DOCK8: variants seen among roughly 807,000 people sequenced by gnomAD.
DOCK8 encodes the protein dedicator of cytokinesis 8, also known as dedicator of cytokinesis protein 8.
In DOCK8, 141 loss-of-function variants were observed where a neutral mutation model predicts 245.6. The observed-to-expected ratio is 0.57, with a 90% CI of 0.50 to 0.66. The LOEUF is 0.66. Among genes scored for constraint, DOCK8 ranks in the 30% least tolerant of loss-of-function variants. The pLI, the probability that DOCK8 is intolerant of heterozygous loss-of-function variation, is 0.00. For missense variants in DOCK8, 2,965 were observed against 2,603.4 expected (o/e 1.14, Z -3.02); for synonymous variants, 1,168 against 970.2 (o/e 1.20, Z -3.79).
chr9:333,460 G>A (rs561997995), intron 10 of DOCK8, among the ~76,000 whole-genome samples: 2 of 152,252 alleles, frequency 1.3e-5, no homozygotes, highest in South Asian at 4.1e-4. Context: ...AATTAGCCGG[G>A]CATGGTGGCA....
chr9:427,011 G>C (rs1318155915), intron 34 of DOCK8, 30 bp downstream of exon 34: 5 of 1,586,892 alleles, frequency 3.2e-6, no homozygotes, highest in Non-Finnish European at 4.3e-6. Context: ...AATCTGATTT[G>C]TTGGCCATGA....
intron 2 of DOCK8, among the ~76,000 whole-genome samples, chr9:283,757 G>A (rs2048695753): frequency 6.6e-6 from 1 of 152,124 alleles, no homozygotes; most frequent in African/African-American, 2.4e-5. Flanking sequence ...GAATTATTCA[G>A]GCACAAAATT....
intron 1 of DOCK8, among the ~76,000 whole-genome samples, chr9:250,358 A>G (rs748443025): frequency 6.6e-6 from 1 of 152,198 alleles, no homozygotes; most frequent in Non-Finnish European, 1.5e-5. Context: ...TTTTGGGCTC[A>G]ACAGCTTTGA....
rs540616739 is a variant in DOCK8 at position 437,006 on chromosome 9, C to CA, written c.5079+2033dup. 1.1e-4 allele frequency among the ~76,000 whole-genome samples: 17 copies of CA among 152,204 alleles called. No homozygotes were observed. In the East Asian group the frequency reaches 2.9e-3, roughly 26 times the overall value. The stretch of plus-strand genomic sequence containing the variant: ...TGAGGGCTTCTTGATGTAGAGGAGG[C>CA]AATGAGTTAGGTGTTGTCAGCTACA... On this transcript the variant is annotated intron_variant, in intron 39 of 47. Coordinates refer to ENST00000432829, the MANE Select transcript of DOCK8 (RefSeq NM_203447.4).
At chr9:400,833 T>C (rs184931611) in intron 26 of DOCK8, among the ~76,000 whole-genome samples, 145 of 3,360 alleles carry the variant, frequency 0.043, no homozygotes, top group East Asian at 0.12. Context: ...ACCATCACCA[T>C]CACCACCACC....
At chr9:379,353 A>G (rs10973136) in intron 20 of DOCK8, among the ~76,000 whole-genome samples, 37,304 of 151,858 alleles carry the variant, frequency 0.25, 4,698 homozygotes, top group Middle Eastern at 0.27. Flanking sequence ...CAGTCACGTG[A>G]GCATCTTGTA....
At position 403,901 on chromosome 9, in the gene DOCK8, T is replaced by TAC. The variant is rs1351719439; in HGVS notation, c.3235-1016_3235-1015insCA. On this transcript the variant is annotated intron_variant, in intron 26 of 47. Coordinates refer to ENST00000432829, the MANE Select transcript of DOCK8 (RefSeq NM_203447.4). Reference sequence around the variant, plus strand: ...CTCTCTCTCTCTCTCTCTATATATATATATATATATATATACATATATATA... The same window carrying TAC: ...CTCTCTCTCTCTCTCTCTATATATATACATATATATATATATACATATATATA... 5.4e-3 allele frequency among the ~76,000 whole-genome samples: 418 copies of TAC among 77,888 alleles called. 4 individuals are homozygous for TAC. The highest frequency in any genetic ancestry group is 0.022 in the Middle Eastern group (4 of 180). The allele number at this position is 77,888 out of a possible 152,430, so 51.1% of individuals were successfully genotyped here. A position where few individuals can be genotyped will look rare whatever the true frequency, so the allele number is the denominator to read the frequency against.
At chr9:423,797 G>T (rs1184696410) in intron 33 of DOCK8, among the ~76,000 whole-genome samples, 3 of 152,144 alleles carry the variant, frequency 2.0e-5, no homozygotes, top group African/African-American at 7.2e-5. Context: ...CATGCCGTGG[G>T]TGCTACAGAA....
chr9:355,191 TC>T lies in DOCK8; in HGVS notation c.1680-12826del, dbSNP rs1339787501. ...CAGACTGGTGTATTTCTGTTTCTTT[TC>T]TTTTTTTTTTTTTTTTTTTTTTTTT... On this transcript the variant is annotated intron_variant, in intron 14 of 47. Transcript: ENST00000432829. 1.1e-3 allele frequency among the ~76,000 whole-genome samples: 41 copies of T among 38,256 alleles called. 1 individual carries two copies. The highest frequency in any genetic ancestry group is 3.7e-3 in the African/African-American group (37 of 10,016). 25.1% of individuals were successfully genotyped at this position (38,256 alleles called of 152,430 possible). A position where few individuals can be genotyped will look rare whatever the true frequency, so the allele number is the denominator to read the frequency against.
At chr9:360,380 TC>T (rs2052668616) in intron 14 of DOCK8, among the ~76,000 whole-genome samples, 1 of 152,084 alleles carries the variant, frequency 6.6e-6, no homozygotes, top group South Asian at 2.1e-4. Flanking sequence ...TTTATACCCT[TC>T]CCCGAATATC....
intron 29 of DOCK8, 126 bp downstream of exon 29, chr9:415,077 G>T: frequency 4.4e-6 from 6 of 1,364,814 alleles, no homozygotes; most frequent in Non-Finnish European, 6.2e-6. Flanking sequence ...CACAAAAATG[G>T]TCTCCAAACC....
chr9:403,912 A>G (rs1324672830), intron 26 of DOCK8, among the ~76,000 whole-genome samples: 3 of 87,316 alleles, frequency 3.4e-5, no homozygotes, highest in African/African-American at 2.2e-4. Context: ...ATATATATAT[A>G]TATACATATA....
At chr9:375,725 A>T (rs1041038398) in intron 18 of DOCK8, among the ~76,000 whole-genome samples, 10 of 152,234 alleles carry the variant, frequency 6.6e-5, no homozygotes, top group African/African-American at 2.4e-4. Context: ...AGCGGGGCAC[A>T]GTGGCTCACA....
At chr9:318,153 A>G (rs1980876) in intron 7 of DOCK8, among the ~76,000 whole-genome samples, 76,640 of 152,118 alleles carry the variant, frequency 0.5, 20,241 homozygotes, top group African/African-American at 0.64. Flanking sequence ...GTGCCTCCAT[A>G]CCTCTCTTCG....
At chr9:440,529 C>T (rs1296605625) in intron 40 of DOCK8, among the ~76,000 whole-genome samples, 1 of 152,016 alleles carries the variant, frequency 6.6e-6, no homozygotes, top group East Asian at 1.9e-4. Context: ...CTTTCCTTTT[C>T]AAGATTCAGA....
intron 1 of DOCK8, among the ~76,000 whole-genome samples, chr9:235,796 G>A (rs1042214370): frequency 5.3e-5 from 8 of 152,162 alleles, no homozygotes; most frequent in South Asian, 2.1e-4. Context: ...TCCGGGTGCC[G>A]TCTGTCACCC....
rs147768777 is a variant in DOCK8 at position 387,877 on chromosome 9, G to A, written c.2874+1451G>A. Among the ~76,000 whole-genome samples, 317 of 152,226 alleles carry A rather than the reference G, an allele frequency of 2.1e-3. 1 individual carries two copies. The highest frequency in any genetic ancestry group is 3.6e-3 in the Non-Finnish European group (247 of 68,016). Reference sequence around the variant, plus strand: ...TTTAACCCATGTCCTGTTTGGTTTCGCAGTTGCCATGTTTTGACTTGAAAT... The same window carrying A: ...TTTAACCCATGTCCTGTTTGGTTTCACAGTTGCCATGTTTTGACTTGAAAT... On this transcript the variant is annotated intron_variant, in intron 23 of 47. Transcript: ENST00000432829.
intron 18 of DOCK8, among the ~76,000 whole-genome samples, chr9:375,107 T>A (rs1472242756): frequency 6.6e-6 from 1 of 152,252 alleles, no homozygotes; most frequent in African/African-American, 2.4e-5. Context: ...TGGTAATTAA[T>A]TTTTTAAAGT....
rs2131693367 is a variant in DOCK8 at position 426,986 on chromosome 9, G to A, written c.4338+5G>A. The stretch of plus-strand genomic sequence containing the variant: ...ATGCAGGAAAACATTATCCAGGTGA[G>A]GAAAACAAACACCCAATCTGATTTG... On this transcript the variant is annotated splice_donor_5th_base_variant and intron_variant, in intron 34 of 47. Coordinates refer to ENST00000432829, the MANE Select transcript of DOCK8 (RefSeq NM_203447.4). 6.2e-7 allele frequency: 1 copy of A among 1,612,240 alleles called. No individual in the cohort carries two copies. Among genetic ancestry groups the A allele is most frequent in the Non-Finnish European group, 8.5e-7 (1 of 1,178,612 alleles).
Sources: allele counts gnomAD v4.1 joint callset (sites outside exome capture counted in the v4.1 genomes callset), GRCh38; gene constraint gnomAD v4.1.1; transcripts MANE v1.5; gene names NCBI Gene and HGNC (gene_info 2026-07-23, HGNC 2026-07-21).